TMEM132C: variants seen among roughly 807,000 people sequenced by gnomAD.
TMEM132C encodes the protein protein phosphatase 1, regulatory subunit 152.
In TMEM132C, 29 loss-of-function variants were observed where a neutral mutation model predicts 61.4. The observed-to-expected ratio is 0.47, with a 90% confidence interval of 0.35 to 0.64. The LOEUF (loss-of-function observed/expected upper bound fraction) is 0.64, where lower values mean the gene tolerates loss of function less well. Among genes scored for constraint, TMEM132C ranks in the 30% least tolerant of loss-of-function variants. The pLI, the probability that TMEM132C is intolerant of heterozygous loss-of-function variation, is 0.00. For synonymous variants in TMEM132C, 656 were observed against 633.1 expected (o/e 1.04, Z -0.54); for missense variants, 1,408 against 1,476.9 (o/e 0.95, Z 0.76).
chr12:128,562,792 C>A (rs1874570253), intron 3 of TMEM132C, among the ~76,000 whole-genome samples: 1 of 152,110 alleles, frequency 6.6e-6, no homozygotes, highest in East Asian at 1.9e-4. Flanking sequence ...GACAGCAGCC[C>A]CCAAATCCCT....
At chr12:128,290,758 G>C (rs1871220727) in intron 1 of TMEM132C, among the ~76,000 whole-genome samples, 1 of 151,166 alleles carries the variant, frequency 6.6e-6, no homozygotes, top group African/African-American at 2.4e-5. Context: ...TCTCAGAGGA[G>C]AGAACATGAT....
intron 2 of TMEM132C, among the ~76,000 whole-genome samples, chr12:128,450,460 C>A (rs1000807912): frequency 6.6e-6 from 1 of 152,112 alleles, no homozygotes; most frequent in African/African-American, 2.4e-5. Flanking sequence ...TGAGGGTCAC[C>A]CATCAATGAC....
At chr12:128,624,081 C>G (rs1024827180) in intron 4 of TMEM132C, among the ~76,000 whole-genome samples, 8 of 152,094 alleles carry the variant, frequency 5.3e-5, no homozygotes, top group Non-Finnish European at 1.0e-4. Flanking sequence ...TTCCAAAAAC[C>G]ACTGAGTCTA....
At chr12:128,628,163 C>T (rs944633733) in intron 4 of TMEM132C, among the ~76,000 whole-genome samples, 2 of 152,204 alleles carry the variant, frequency 1.3e-5, no homozygotes, top group Admixed American at 6.5e-5. Context: ...TATCATCTGC[C>T]TCTGGACTGG....
intron 4 of TMEM132C, among the ~76,000 whole-genome samples, chr12:128,664,113 C>T (rs1954431524): frequency 6.6e-6 from 1 of 151,102 alleles, no homozygotes; most frequent in African/African-American, 2.4e-5. Context: ...CAGGCACACG[C>T]ACCCGCACGC....
rs575627025 is a variant in TMEM132C, at chr12:128,370,855, C to T, written c.86-43877C>T. 2.0e-5 allele frequency among the ~76,000 whole-genome samples: 3 copies of T among 152,216 alleles called. No homozygotes were observed. The East Asian group carries it at 5.8e-4, about 29-fold the overall frequency. ...TATTCATAGAATTCAACTTATCCTG[C>T]ACGGCACCAGAATAATAGCAGCTAC... On this transcript the variant is annotated intron_variant, in intron 1 of 8. Coordinates refer to ENST00000435159, the MANE Select transcript of TMEM132C (RefSeq NM_001136103.3).
chr12:128,300,807 C>T (rs1271065511), intron 1 of TMEM132C, among the ~76,000 whole-genome samples: 1 of 152,042 alleles, frequency 6.6e-6, no homozygotes, highest in Non-Finnish European at 1.5e-5. Flanking sequence ...GAGACGTAAG[C>T]GGGAGGATTG....
At chr12:128,344,789 A>G (rs1873096533) in intron 1 of TMEM132C, among the ~76,000 whole-genome samples, 1 of 152,190 alleles carries the variant, frequency 6.6e-6, no homozygotes, top group Non-Finnish European at 1.5e-5. Flanking sequence ...TAGGCCAATT[A>G]AGAATTGGTT....
chr12:128,318,246 T>C (rs1471606877), intron 1 of TMEM132C, among the ~76,000 whole-genome samples: 1 of 152,232 alleles, frequency 6.6e-6, no homozygotes, highest in Non-Finnish European at 1.5e-5. Context: ...TCTTTTTTGC[T>C]GGACCACAAA....
chr12:128,368,502 A>T (rs1873935497), intron 1 of TMEM132C, among the ~76,000 whole-genome samples: 1 of 152,206 alleles, frequency 6.6e-6, no homozygotes, highest in South Asian at 2.1e-4. Flanking sequence ...GAAAGGGTTA[A>T]TTAATCGCTC....
Position 128,697,392 on chromosome 12 carries a change from G to A in TMEM132C, c.2098G>A (p.Glu700Lys), listed in dbSNP as rs1954774062. ...CGTAACAGCTGTGGTCACAGCTGAG[G>A]AGGTGCTGCGGACCCCCAAACAGGT... ...KAVTAVVTAE[E>K]VLRTPKQEAV... is the part of the protein sequence containing the mutation. Residue 700 changes from glutamate (E) to lysine (K), a missense_variant, in exon 8 of 9, where the codon GAG becomes AAG. By Grantham distance (56) the Glu-to-Lys change is moderately conservative. Coordinates refer to ENST00000435159, the MANE Select transcript of TMEM132C (RefSeq NM_001136103.3). 6.5e-7 allele frequency: 1 copy of A among 1,543,734 alleles called. No individual in the cohort carries two copies. Among genetic ancestry groups the A allele is most frequent in the South Asian group, 1.2e-5 (1 of 83,556 alleles).
At chr12:128,636,365 T>A (rs1954103562) in intron 4 of TMEM132C, among the ~76,000 whole-genome samples, 1 of 152,176 alleles carries the variant, frequency 6.6e-6, no homozygotes, top group Non-Finnish European at 1.5e-5. Flanking sequence ...TCCACATTTT[T>A]AAAAATAACT....
At chr12:128,587,832 C>G (rs1875605277) in intron 3 of TMEM132C, among the ~76,000 whole-genome samples, 1 of 152,040 alleles carries the variant, frequency 6.6e-6, no homozygotes, top group Admixed American at 6.6e-5. Context: ...AAAAGTGAGT[C>G]GATTTACAGA....
chr12:128,441,011 A>G (rs1869764641), intron 2 of TMEM132C, among the ~76,000 whole-genome samples: 1 of 152,240 alleles, frequency 6.6e-6, no homozygotes, highest in Non-Finnish European at 1.5e-5. Context: ...ACTGCACTCC[A>G]GCATGGGCGA....
chr12:128,292,948 A>G (rs11059628), intron 1 of TMEM132C, among the ~76,000 whole-genome samples: 34,961 of 138,402 alleles, frequency 0.25, 4,554 homozygotes, highest in East Asian at 0.51. Context: ...TGGTGTAGGT[A>G]TGTGTATGTG....
intron 2 of TMEM132C, among the ~76,000 whole-genome samples, chr12:128,513,839 A>T (rs567948375): frequency 6.6e-6 from 1 of 152,184 alleles, no homozygotes; most frequent in Admixed American, 6.5e-5. Flanking sequence ...ATGGTCCAGG[A>T]TACAGAATTA....
At chr12:128,419,008 C>T (rs1027881650) in intron 2 of TMEM132C, among the ~76,000 whole-genome samples, 4 of 152,084 alleles carry the variant, frequency 2.6e-5, no homozygotes, top group African/African-American at 9.7e-5. Flanking sequence ...ATGCAATGTG[C>T]AAGTATCCAA....
chr12:128,282,839 T>A lies in TMEM132C; in HGVS notation c.85+15352T>A, dbSNP rs138725684. Among the ~76,000 whole-genome samples the A allele has an allele frequency of 2.4e-3, 367 of 152,310 alleles. 3 individuals are homozygous for A. The highest frequency in any genetic ancestry group is 8.6e-3 in the African/African-American group (358 of 41,570). On this transcript the variant is annotated intron_variant, in intron 1 of 8. Transcript: ENST00000435159. ...GATTTGTCTGATGTTTCTTCCTGAT[T>A]AGTGATTCAGATGCTACATTTTGGG...
At chr12:128,475,208 C>G (rs970615980) in intron 2 of TMEM132C, among the ~76,000 whole-genome samples, 22 of 152,102 alleles carry the variant, frequency 1.4e-4, no homozygotes, top group African/African-American at 5.3e-4. Context: ...GCCCCCAACT[C>G]GAAATGTCAT....
Sources: allele counts gnomAD v4.1 joint callset (sites outside exome capture counted in the v4.1 genomes callset), GRCh38; gene constraint gnomAD v4.1.1; transcripts MANE v1.5; gene names NCBI Gene and HGNC (gene_info 2026-07-23, HGNC 2026-07-21).